Variants in SDK1 observed in about 807,000 individuals in gnomAD.
SDK1 encodes protein sidekick-1.
A neutral mutation model predicts 245.5 loss-of-function variants in SDK1; 157 were observed. The observed-to-expected ratio is 0.64, with a 90% CI of 0.56 to 0.73. SDK1 has a LOEUF of 0.73. SDK1 is among the 30% of genes least tolerant of loss of function. SDK1 has a pLI of 0.00. For synonymous variants in SDK1, 1,647 were observed against 1,278.5 expected (o/e 1.29, Z -6.15); for missense variants, 3,583 against 3,002.3 (o/e 1.19, Z -4.52).
intron 4 of SDK1, among the ~76,000 whole-genome samples, chr7:3,745,746 T>C (rs868768531): frequency 6.6e-6 from 1 of 152,108 alleles, no homozygotes; most frequent in Non-Finnish European, 1.5e-5. Context: ...CTAGCCAATA[T>C]AATTAGCCAA....
chr7:3,955,841 AGT>A (rs1377147915), intron 7 of SDK1, among the ~76,000 whole-genome samples: 1 of 152,008 alleles, frequency 6.6e-6, no homozygotes, highest in Non-Finnish European at 1.5e-5. Context: ...CATTTTGGAG[AGT>A]GAGGTCATTT....
At chr7:3,781,476 TGTCTTCTCAAA>T (rs1430679753) in intron 4 of SDK1, among the ~76,000 whole-genome samples, 3 of 152,302 alleles carry the variant, frequency 2.0e-5, no homozygotes. Context: ...AAAAGGGGAC[TGTCTTCTCAAA>T]TGTGCAGATA....
chr7:3,948,553 C>T (rs925886784), intron 5 of SDK1, among the ~76,000 whole-genome samples: 3 of 152,220 alleles, frequency 2.0e-5, no homozygotes, highest in Non-Finnish European at 2.9e-5. Flanking sequence ...TGAGCCACCG[C>T]GCCCGGCCAC....
At chr7:3,909,386 C>G (rs1468185145) in intron 5 of SDK1, among the ~76,000 whole-genome samples, 1 of 152,206 alleles carries the variant, frequency 6.6e-6, no homozygotes, top group Non-Finnish European at 1.5e-5. Context: ...TGTGGAGCAG[C>G]TGTGGAGCAG....
intron 5 of SDK1, among the ~76,000 whole-genome samples, chr7:3,906,100 CTT>C (rs1301357451): frequency 6.6e-6 from 1 of 152,148 alleles, no homozygotes; most frequent in African/African-American, 2.4e-5. Context: ...TCCTCAATCT[CTT>C]TTTCATTCAG....
intron 4 of SDK1, among the ~76,000 whole-genome samples, chr7:3,654,728 G>C (rs1354647157): frequency 1.3e-5 from 2 of 152,320 alleles, no homozygotes; most frequent in African/African-American, 4.8e-5. Context: ...AAGAGCATGG[G>C]GGATGGGGAT....
chr7:3,755,872 GAC>G (rs1443010112), intron 4 of SDK1, among the ~76,000 whole-genome samples: 3 of 152,284 alleles, frequency 2.0e-5, no homozygotes, highest in East Asian at 1.9e-4. Context: ...TAGTGCGTGT[GAC>G]ACATGCATGT....
At chr7:4,073,755 G>A (rs1244613373) in intron 20 of SDK1, among the ~76,000 whole-genome samples, 1 of 152,086 alleles carries the variant, frequency 6.6e-6, no homozygotes, top group East Asian at 1.9e-4. Context: ...TTGAGAGCAG[G>A]GTCTCGTGCA....
intron 5 of SDK1, among the ~76,000 whole-genome samples, chr7:3,941,476 A>T (rs1436984877): frequency 6.6e-6 from 1 of 151,594 alleles, no homozygotes; most frequent in African/African-American, 2.4e-5. Context: ...CTGCCCCTCA[A>T]CCACCAAGAA....
At chr7:3,800,789 G>C (rs1340100959) in intron 4 of SDK1, among the ~76,000 whole-genome samples, 1 of 152,124 alleles carries the variant, frequency 6.6e-6, no homozygotes, top group Admixed American at 6.5e-5. Context: ...TGAATCAGAA[G>C]ACCAAAGTCC....
chr7:3,729,348 C>T lies in SDK1; in HGVS notation c.713+87243C>T, dbSNP rs543776589. On this transcript the variant is annotated intron_variant, in intron 4 of 44. Coordinates refer to ENST00000404826, the MANE Select transcript of SDK1 (RefSeq NM_152744.4). ...CTGTTGTTGAAAGTGCTTGCTCTAG[C>T]GCTGTATTCCTACACAGTAGCCTAG... is the stretch of plus-strand genomic sequence containing the variant. 1.4e-3 allele frequency among the ~76,000 whole-genome samples: 206 copies of T among 152,268 alleles called. 1 individual carries two copies. The highest frequency in any genetic ancestry group is 4.7e-3 in the African/African-American group (195 of 41,544).
rs1187420872 is a variant in SDK1, at chr7:3,349,724, C to T, written c.298+47840C>T. On this transcript the variant is annotated intron_variant, in intron 1 of 44. Transcript: ENST00000404826. ...ACGCCCTTCTCCTGCCTCAGCCTCC[C>T]GAGTGGCTGGGCCTACAGGCACCTG... 3.3e-5 allele frequency among the ~76,000 whole-genome samples: 5 copies of T among 152,214 alleles called. No homozygotes were observed. The East Asian group carries it at 7.7e-4, about 24-fold the overall frequency.
At chr7:3,468,084 CAG>C (rs546240608) in intron 1 of SDK1, among the ~76,000 whole-genome samples, 257 of 151,930 alleles carry the variant, frequency 1.7e-3, no homozygotes, top group African/African-American at 6.0e-3. Flanking sequence ...AAAAATAAAG[CAG>C]AGAGAAATCA....
intron 14 of SDK1, among the ~76,000 whole-genome samples, chr7:4,005,893 C>T (rs185607847): frequency 2.0e-5 from 3 of 152,062 alleles, no homozygotes; most frequent in African/African-American, 4.8e-5. Context: ...TAGCCGGGCA[C>T]GGTGGCACAC....
intron 1 of SDK1, among the ~76,000 whole-genome samples, chr7:3,380,818 A>AT (rs1230192264): frequency 2.0e-5 from 3 of 152,010 alleles, no homozygotes; most frequent in African/African-American, 7.3e-5. Flanking sequence ...TGTCCTTTTT[A>AT]TTTTTTATCA....
chr7:3,985,743 A>C (rs1163932713), intron 13 of SDK1, among the ~76,000 whole-genome samples: 1 of 152,240 alleles, frequency 6.6e-6, no homozygotes, highest in Non-Finnish European at 1.5e-5. Flanking sequence ...ACTAATGTAC[A>C]ATGTAGTTGC....
In SDK1 at chr7:3,301,615, CCGGTGGCGG is replaced by C. The variant is rs926473572; in HGVS notation, c.33_41del (p.Gly14_Gly16del). On this transcript the variant is annotated inframe_deletion, in exon 1 of 45. Transcript: ENST00000404826. Reference sequence around the variant, plus strand: ...GCCCGGGGCGCCCGGCCCTCGGCGGCCGGTGGCGGCGGCGGCGGCGCGGAGCCCCCTGAG... The same window carrying C: ...GCCCGGGGCGCCCGGCCCTCGGCGGCCGGCGGCGGCGCGGAGCCCCCTGAG... 4 of 974,724 alleles carry C rather than the reference CCGGTGGCGG, an allele frequency of 4.1e-6. No homozygotes were observed. The African/African-American group carries it at 7.2e-5, about 18-fold the overall frequency. The allele number at this position is 974,724 out of a possible 1,614,324, so 60.4% of individuals were successfully genotyped here.
At chr7:3,466,023 C>A (rs1216571844) in intron 1 of SDK1, among the ~76,000 whole-genome samples, 1 of 152,002 alleles carries the variant, frequency 6.6e-6, no homozygotes, top group East Asian at 1.9e-4. Context: ...AATGGTGCTT[C>A]AGGAGGGGCT....
rs1661148563 is a variant in SDK1 at position 3,301,685 on chromosome 7, C to G, written c.99C>G (p.Pro33=). 5 of 972,856 alleles carry G rather than the reference C, an allele frequency of 5.1e-6. No homozygotes were observed. The highest frequency in any genetic ancestry group is 4.7e-5 in the South Asian group (1 of 21,100). The allele number at this position is 972,856 out of a possible 1,614,324, so 60.3% of individuals were successfully genotyped here. The change falls in exon 1 of 45, where the codon CCC becomes CCG. Residue 33 remains proline, a synonymous_variant. Coordinates refer to ENST00000404826, the MANE Select transcript of SDK1 (RefSeq NM_152744.4). ...AGPGRPRGSP[P]GRARPSLAPR... ...CCGGGCGGCCGCGGGGATCCCCGCCCGGCCGCGCCCGCCCCTCGCTGGCGC... is the reference window on the plus strand; with the variant it reads ...CCGGGCGGCCGCGGGGATCCCCGCCGGGCCGCGCCCGCCCCTCGCTGGCGC...
Sources: gnomAD v4.1 joint callset for allele counts (sites outside exome capture counted in the v4.1 genomes callset) on GRCh38, gnomAD v4.1.1 for gene constraint, MANE v1.5 for transcripts, NCBI Gene and HGNC (gene_info 2026-07-23, HGNC 2026-07-21) for gene names.